TMEFF2: variants seen among roughly 807,000 people sequenced by gnomAD.
The protein encoded by TMEFF2 is transmembrane protein with EGF like and two follistatin like domains 2, also known as tomoregulin-2.
TMEFF2 carries 28 observed loss-of-function variants against 53.8 expected under a neutral mutation model. The observed-to-expected ratio is 0.52, with a 90% confidence interval of 0.39 to 0.71. The LOEUF (loss-of-function observed/expected upper bound fraction) is 0.71, where lower values mean the gene tolerates loss of function less well. Ranked by LOEUF, TMEFF2 falls within the 30% of genes least tolerant of loss-of-function variation. The probability of loss-of-function intolerance (pLI) is 0.00; values close to 1 mark genes in which losing one functional copy is unlikely to be tolerated. For missense variants in TMEFF2, 353 were observed against 455.2 expected, an observed-to-expected ratio of 0.78 and a Z score of 2.04; for synonymous variants, 162 against 166.3, an observed-to-expected ratio of 0.97 and a Z score of 0.20.
intron 4 of TMEFF2, among the ~76,000 whole-genome samples, chr2:192,086,981 CATTAA>C (rs1364867313): frequency 3.3e-5 from 5 of 151,254 alleles, no homozygotes; most frequent in East Asian, 1.9e-4. Context: ...TCACCTCAGA[CATTAA>C]ATTATATTCT....
At chr2:192,010,119 GA>G in intron 5 of TMEFF2, among the ~76,000 whole-genome samples, 1 of 152,180 alleles carries the variant, frequency 6.6e-6, no homozygotes, top group East Asian at 1.9e-4. Flanking sequence ...CTTTCAAGCA[GA>G]GTTTATCATA....
intron 4 of TMEFF2, among the ~76,000 whole-genome samples, chr2:192,083,396 C>A (rs1232304585): frequency 2.0e-5 from 3 of 152,066 alleles, no homozygotes; most frequent in African/African-American, 7.2e-5. Flanking sequence ...GAGGCCAAAC[C>A]TCCAAGATTT....
chr2:192,070,755 A>G (rs190182601), intron 4 of TMEFF2, among the ~76,000 whole-genome samples: 1 of 152,076 alleles, frequency 6.6e-6, no homozygotes, highest in Admixed American at 6.6e-5. Flanking sequence ...GGTAATAACA[A>G]GGTGTAACCA....
chr2:192,191,981 C>A lies in TMEFF2; in HGVS notation c.181G>T (p.Asp61Tyr). Reference protein sequence around the residue: ...PTGWNCSGYDDRENDLFLCDT... With the variant: ...PTGWNCSGYDYRENDLFLCDT... ...CAGAGGAAGAGATCATTTTCTCTGT[C>A]ATCATAACCTCAAATTCAAAGAGAA... is the stretch of plus-strand genomic sequence containing the variant. The change falls in exon 2 of 10, where the codon GAC becomes TAC. Residue 61 changes from aspartate to tyrosine, a missense_variant. Asp to Tyr is a radical substitution (Grantham distance 160, BLOSUM62 -3). This residue lies in a region of TMEFF2 where 294 missense variants were observed against 397.3 expected (regional missense o/e 0.74). Transcript: ENST00000272771. 1 of 1,607,128 alleles carries A rather than the reference C, an allele frequency of 6.2e-7. No individual in the cohort carries two copies. The highest frequency in any genetic ancestry group is 1.1e-5 in the South Asian group (1 of 90,828).
At chr2:191,956,144 T>G in intron 8 of TMEFF2, 111 bp downstream of exon 8, 1 of 1,198,326 alleles carries the variant, frequency 8.3e-7, no homozygotes, top group East Asian at 2.6e-5. Context: ...AAAGTTTTGT[T>G]GCTGATTACC....
chr2:191,993,340 G>A (rs1186002305), intron 7 of TMEFF2, among the ~76,000 whole-genome samples: 2 of 151,976 alleles, frequency 1.3e-5, no homozygotes, highest in Non-Finnish European at 2.9e-5. Flanking sequence ...ATTGTTTGAA[G>A]ATGAGGAATG....
At chr2:192,007,794 A>G (rs538581719) in intron 5 of TMEFF2, among the ~76,000 whole-genome samples, 58 of 152,290 alleles carry the variant, frequency 3.8e-4, no homozygotes, top group African/African-American at 1.1e-3. Context: ...GCTGTTAGGT[A>G]TAGAGACAAG....
chr2:192,034,759 C>T (rs1687242088), intron 5 of TMEFF2: 2 of 152,246 alleles, frequency 1.3e-5, no homozygotes, highest in South Asian at 4.1e-4. Context: ...CGCTCGGCCA[C>T]ATCAACCTGT....
At chr2:192,135,946 C>G (rs573110652) in intron 4 of TMEFF2, among the ~76,000 whole-genome samples, 135 of 151,734 alleles carry the variant, frequency 8.9e-4, no homozygotes, top group Non-Finnish European at 7.7e-4. Flanking sequence ...CCCCCTTTGA[C>G]TGTAATTTTC....
chr2:192,111,220 A>G (rs181562659), intron 4 of TMEFF2, among the ~76,000 whole-genome samples: 91 of 152,282 alleles, frequency 6.0e-4, no homozygotes, highest in Non-Finnish European at 1.1e-3. Flanking sequence ...AGGGCTTAGA[A>G]GAAGATACAA....
chr2:192,114,421 C>T (rs1689352283), intron 4 of TMEFF2, among the ~76,000 whole-genome samples: 1 of 151,064 alleles, frequency 6.6e-6, no homozygotes, highest in Admixed American at 6.6e-5. Flanking sequence ...TACTGCTATT[C>T]CATATAACAC....
chr2:192,095,573 C>G (rs531637394), intron 4 of TMEFF2, among the ~76,000 whole-genome samples: 2 of 152,116 alleles, frequency 1.3e-5, no homozygotes, highest in Admixed American at 6.5e-5. Context: ...ACAATTATTT[C>G]AAACAAAAAT....
At chr2:192,006,085 G>A (rs1201455413) in intron 5 of TMEFF2, among the ~76,000 whole-genome samples, 1 of 140,722 alleles carries the variant, frequency 7.1e-6, no homozygotes, top group East Asian at 2.1e-4. Context: ...TTAACTTATA[G>A]TGGGCAATCC....
chr2:192,053,323 GCTAA>G (rs1230092241), intron 5 of TMEFF2, among the ~76,000 whole-genome samples: 11 of 152,012 alleles, frequency 7.2e-5, no homozygotes, highest in Non-Finnish European at 1.5e-4. Flanking sequence ...AACATGATCA[GCTAA>G]CTGTGTACTG....
chr2:192,167,602 T>C (rs1690800188), intron 4 of TMEFF2, among the ~76,000 whole-genome samples: 1 of 152,154 alleles, frequency 6.6e-6, no homozygotes, highest in African/African-American at 2.4e-5. Flanking sequence ...TCTTTTACCT[T>C]CTTTTTCCAA....
chr2:192,192,014 G>T, intron 1 of TMEFF2, 25 bp from the exon 2 acceptor site: 3 of 1,459,926 alleles, frequency 2.1e-6, no homozygotes, highest in Non-Finnish European at 2.9e-6. Context: ...GAACACTCCA[G>T]TCATTAAAAC....
At chr2:191,979,486 C>T (rs945215114) in intron 7 of TMEFF2, among the ~76,000 whole-genome samples, 1 of 152,116 alleles carries the variant, frequency 6.6e-6, no homozygotes, top group African/African-American at 2.4e-5. Flanking sequence ...TATCTTGAGT[C>T]ACTGCTATTC....
intron 4 of TMEFF2, among the ~76,000 whole-genome samples, chr2:192,133,714 C>G (rs868436474): frequency 1.8e-4 from 27 of 152,220 alleles, no homozygotes; most frequent in African/African-American, 4.6e-4. Flanking sequence ...AGCCTCTCTT[C>G]GCTTTCACTT....
intron 4 of TMEFF2, among the ~76,000 whole-genome samples, chr2:192,120,158 T>C (rs895347600): frequency 6.6e-6 from 1 of 152,172 alleles, no homozygotes; most frequent in Admixed American, 6.5e-5. Context: ...ACCACAGCCC[T>C]GCTAAATACC....
Sources: gnomAD v4.1 joint callset for allele counts (sites outside exome capture counted in the v4.1 genomes callset) on GRCh38, gnomAD v4.1.1 for gene constraint, gnomAD v4.1.1 regional missense constraint, MANE v1.5 for transcripts, NCBI Gene and HGNC (gene_info 2026-07-23, HGNC 2026-07-21) for gene names.